TENM2: variants seen among roughly 807,000 people sequenced by gnomAD.
TENM2 encodes the protein teneurin transmembrane protein 2.
Under a neutral mutation model 245.2 loss-of-function variants are expected in TENM2, and 52 were observed. The observed-to-expected ratio is 0.21, with a 90% CI of 0.17 to 0.27. The LOEUF (loss-of-function observed/expected upper bound fraction) is 0.27. Ranked by LOEUF, TENM2 falls within the 10% of genes least tolerant of loss-of-function variation. The pLI, the probability that TENM2 is intolerant of heterozygous loss-of-function variation, is 1.00. For synonymous variants in TENM2, 1,363 were observed against 1,438.9 expected (o/e 0.95, Z 1.19); for missense variants, 3,046 against 3,666.8 (o/e 0.83, Z 4.37).
chr5:168,260,499 A>G, intron 28 of TENM2, 86 bp downstream of exon 30: 1 of 1,509,864 alleles, frequency 6.6e-7, no homozygotes, highest in Non-Finnish European at 9.0e-7. Context: ...GGGGCATGTC[A>G]GCGCAGGAAA....
chr5:167,181,841 A>C, the TENM2 span, among the ~76,000 whole-genome samples: 3 of 152,300 alleles, frequency 2.0e-5, no homozygotes, highest in Non-Finnish European at 4.4e-5. Flanking sequence ...GAAACTTAAG[A>C]AATCCACATA....
chr5:167,365,426 G>T (rs1759988755), intron 1 of TENM2, among the ~76,000 whole-genome samples: 1 of 151,128 alleles, frequency 6.6e-6, no homozygotes, highest in Non-Finnish European at 1.5e-5. Context: ...TAAGATAAGT[G>T]CAGAAATTAG....
intron 5 of TENM2, among the ~76,000 whole-genome samples, chr5:168,013,946 C>T (rs1215437593): frequency 6.6e-6 from 1 of 152,232 alleles, no homozygotes; most frequent in East Asian, 1.9e-4. Context: ...TCCAGTTTTA[C>T]ATGATATTCT....
Position 167,782,310 on chromosome 5 carries a change from TC to T in TENM2, c.503-93675del, listed in dbSNP as rs1169736691. Among the ~76,000 whole-genome samples the T allele has an allele frequency of 6.4e-5, 5 of 78,134 alleles. 1 individual carries two copies. The highest frequency in any genetic ancestry group is 1.1e-4 in the Non-Finnish European group (5 of 45,686). 51.3% of individuals were successfully genotyped at this position (78,134 alleles called of 152,430 possible). On this transcript the variant is annotated intron_variant, in intron 2 of 28. Coordinates refer to ENST00000518659, the Ensembl canonical transcript of TENM2. ...CCTGGGCAACAAGAGCAAAACTCTG[TC>T]TCAAAAAAAAAAAAAAAAAAAAAAA...
intron 2 of TENM2, among the ~76,000 whole-genome samples, chr5:167,862,989 G>T (rs751654438): frequency 6.6e-6 from 1 of 152,204 alleles, no homozygotes; most frequent in African/African-American, 2.4e-5. Context: ...TTCTCTGTTT[G>T]CATCTCCAAC....
chr5:168,145,688 TTAAAG>T (rs1755998758), intron 12 of TENM2, among the ~76,000 whole-genome samples: 1 of 152,164 alleles, frequency 6.6e-6, no homozygotes, highest in African/African-American at 2.4e-5. Context: ...CATATGAACT[TTAAAG>T]TAGTTTTTTC....
chr5:167,341,543 A>G (rs1758097415), intron 1 of TENM2, among the ~76,000 whole-genome samples: 2 of 151,860 alleles, frequency 1.3e-5, no homozygotes, highest in African/African-American at 2.4e-5. Context: ...TGGTGCTACT[A>G]TGTTGTTAAA....
intron 2 of TENM2, among the ~76,000 whole-genome samples, chr5:167,655,535 T>G (rs1159534407): frequency 1.3e-5 from 2 of 152,212 alleles, no homozygotes. Flanking sequence ...TTACACATAT[T>G]CTGGGCCAAT....
At position 168,118,274 on chromosome 5, in the gene TENM2, T is replaced by C. The variant is rs1295135649; in HGVS notation, c.1814-18T>C. On this transcript the variant is annotated intron_variant, in intron 9 of 28. Coordinates refer to ENST00000518659, the Ensembl canonical transcript of TENM2. ...GCTGGCCCTTCGTGACCTAGTGCTCTGTCTTTGGTTTGTGCAGCTGCCTGC... is the reference window on the plus strand; with the variant it reads ...GCTGGCCCTTCGTGACCTAGTGCTCCGTCTTTGGTTTGTGCAGCTGCCTGC... The C allele has an allele frequency of 6.7e-7, 1 of 1,503,118 alleles. No homozygotes were observed. The highest frequency in any genetic ancestry group is 1.4e-5 in the African/African-American group (1 of 73,324). 93.1% of individuals were successfully genotyped at this position (1,503,118 alleles called of 1,614,324 possible).
chr5:167,078,094 ATAAG>A, the TENM2 span, among the ~76,000 whole-genome samples: 10 of 152,004 alleles, frequency 6.6e-5, no homozygotes, highest in African/African-American at 2.4e-4. Context: ...AATATAAACT[ATAAG>A]TAAGTCAAAG....
the TENM2 span, among the ~76,000 whole-genome samples, chr5:167,154,985 T>C: frequency 6.6e-6 from 1 of 152,246 alleles, no homozygotes; most frequent in Non-Finnish European, 1.5e-5. Context: ...CATGGTTTCT[T>C]ATTGTATGAG....
intron 2 of TENM2, among the ~76,000 whole-genome samples, chr5:167,825,739 C>T (rs961158178): frequency 5.9e-5 from 9 of 151,946 alleles, no homozygotes; most frequent in African/African-American, 2.2e-4. Flanking sequence ...GCCTTAGTGG[C>T]TTTGAGTAAG....
intron 2 of TENM2, among the ~76,000 whole-genome samples, chr5:167,780,709 A>G (rs184651595): frequency 1.3e-5 from 2 of 152,304 alleles, no homozygotes; most frequent in African/African-American, 4.8e-5. Context: ...CTCACATACA[A>G]CAAAGCTATG....
chr5:167,810,925 G>A (rs764255021), intron 2 of TENM2, among the ~76,000 whole-genome samples: 3 of 152,100 alleles, frequency 2.0e-5, no homozygotes, highest in Non-Finnish European at 4.4e-5. Context: ...CTTTTCTTAC[G>A]TCTTCTCCTT....
At chr5:167,196,351 G>A in the TENM2 span, among the ~76,000 whole-genome samples, 1 of 151,702 alleles carries the variant, frequency 6.6e-6, no homozygotes, top group Non-Finnish European at 1.5e-5. Flanking sequence ...GCACATAATT[G>A]TATTAACCTT....
At chr5:168,261,369 C>T (rs528144945) in intron 28 of TENM2, among the ~76,000 whole-genome samples, 10 of 152,332 alleles carry the variant, frequency 6.6e-5, no homozygotes, top group Admixed American at 2.6e-4. Flanking sequence ...AAGCCTGACT[C>T]TCTCAGCCTG....
At chr5:167,068,630 C>T in the TENM2 span, among the ~76,000 whole-genome samples, 2,049 of 152,244 alleles carry the variant, frequency 0.013, 50 homozygotes, top group African/African-American at 0.048. Context: ...TTCAAATACT[C>T]ATCAGCCACA....
chr5:167,548,734 A>G (rs891596652), intron 2 of TENM2, among the ~76,000 whole-genome samples: 2 of 152,170 alleles, frequency 1.3e-5, no homozygotes, highest in Non-Finnish European at 2.9e-5. Context: ...ACCTAAAAAT[A>G]AAAATGCTGA....
chr5:167,850,914 A>T (rs1277686996), intron 2 of TENM2, among the ~76,000 whole-genome samples: 2 of 152,194 alleles, frequency 1.3e-5, no homozygotes, highest in African/African-American at 2.4e-5. Context: ...AAAATGCTAA[A>T]TCATTACAAC....
Sources: allele counts gnomAD v4.1 joint callset (sites outside exome capture counted in the v4.1 genomes callset), GRCh38; gene constraint gnomAD v4.1.1; transcripts MANE v1.5; gene names NCBI Gene and HGNC (gene_info 2026-07-23, HGNC 2026-07-21).